The following CDH4 variants were observed in gnomAD, a reference collection of about 807,000 sequenced individuals.
The protein encoded by CDH4 is cadherin 4, also known as cadherin-4.
CDH4 carries 33 observed loss-of-function variants against 86.0 expected under a neutral mutation model. The observed-to-expected ratio is 0.38, with a 90% CI of 0.29 to 0.51. CDH4 has a LOEUF of 0.51. CDH4 is among the 20% of genes least tolerant of loss of function. The pLI, the probability that CDH4 is intolerant of heterozygous loss-of-function variation, is 0.86. For missense variants in CDH4, 1,114 were observed against 1,307.4 expected (o/e 0.85, Z 2.28); for synonymous variants, 555 against 549.4 (o/e 1.01, Z -0.14).
chr20:61,483,379 G>C (rs1023746007), intron 2 of CDH4, among the ~76,000 whole-genome samples: 35 of 152,134 alleles, frequency 2.3e-4, no homozygotes, highest in Admixed American at 3.3e-4. Flanking sequence ...CAAAACCATG[G>C]GAGTCATCAG....
chr20:61,612,988 C>T lies in CDH4; in HGVS notation c.170-130575C>T, dbSNP rs115735674. On this transcript the variant is annotated intron_variant, in intron 2 of 15. Coordinates refer to ENST00000614565, the MANE Select transcript of CDH4 (RefSeq NM_001794.5). ...AAAGCAGAAAACGACCATGAACAGC[C>T]AGCCACACCTCCAGGAGGGCCGATA... 4.1e-3 allele frequency among the ~76,000 whole-genome samples: 631 copies of T among 152,136 alleles called. 14 individuals carry two copies. The highest frequency in any genetic ancestry group is 0.015 in the African/African-American group (608 of 41,430).
At chr20:61,914,160 G>A (rs368182038) in intron 9 of CDH4, among the ~76,000 whole-genome samples, 1 of 152,208 alleles carries the variant, frequency 6.6e-6, no homozygotes, top group East Asian at 1.9e-4. Context: ...AAAGGAAGAT[G>A]AAACCTCAGG....
chr20:61,287,543 G>A lies in CDH4; in HGVS notation c.169+32606G>A, dbSNP rs548666574. Reference sequence around the variant, plus strand: ...GAGCCCTATTCATTTTCTACAGTGGGGTAGCATTCACAAGGGATGCCCCAT... The same window carrying A: ...GAGCCCTATTCATTTTCTACAGTGGAGTAGCATTCACAAGGGATGCCCCAT... On this transcript the variant is annotated intron_variant, in intron 2 of 15. Coordinates refer to ENST00000614565, the MANE Select transcript of CDH4 (RefSeq NM_001794.5). Among the ~76,000 whole-genome samples the A allele has an allele frequency of 1.1e-4, 17 of 152,280 alleles. No homozygotes were observed. The South Asian group carries it at 3.3e-3, about 30-fold the overall frequency.
At chr20:61,314,456 T>C (rs1467764787) in intron 2 of CDH4, among the ~76,000 whole-genome samples, 4 of 152,254 alleles carry the variant, frequency 2.6e-5, no homozygotes, top group South Asian at 2.1e-4. Flanking sequence ...TCCTTTCTTA[T>C]GGTGGATTAC....
intron 2 of CDH4, among the ~76,000 whole-genome samples, chr20:61,542,341 T>C (rs6061631): frequency 0.012 from 1,787 of 152,304 alleles, 29 homozygotes; most frequent in African/African-American, 0.041. Context: ...TTTTCAACTT[T>C]CCTGGGGTTG....
At chr20:61,493,077 ACT>A (rs2085637156) in intron 2 of CDH4, among the ~76,000 whole-genome samples, 1 of 152,038 alleles carries the variant, frequency 6.6e-6, no homozygotes, top group African/African-American at 2.4e-5. Flanking sequence ...CGTAAATTAG[ACT>A]CTAATAAAGT....
intron 2 of CDH4, among the ~76,000 whole-genome samples, chr20:61,603,530 C>G (rs2086619415): frequency 6.6e-6 from 1 of 152,152 alleles, no homozygotes; most frequent in African/African-American, 2.4e-5. Context: ...CCAGGTGTGC[C>G]CTACCAGGTG....
chr20:61,368,848 T>C (rs1192009212), intron 2 of CDH4, among the ~76,000 whole-genome samples: 1 of 152,046 alleles, frequency 6.6e-6, no homozygotes, highest in Admixed American at 6.6e-5. Flanking sequence ...AACCCAAAGG[T>C]ACTAAAACAC....
At chr20:61,577,893 C>G (rs2086395616) in intron 2 of CDH4, among the ~76,000 whole-genome samples, 1 of 152,144 alleles carries the variant, frequency 6.6e-6, no homozygotes. Context: ...TAGCCTGAGG[C>G]AAAGCTGTGC....
At chr20:61,614,480 G>A (rs2086709974) in intron 2 of CDH4, among the ~76,000 whole-genome samples, 1 of 152,062 alleles carries the variant, frequency 6.6e-6, no homozygotes, top group Non-Finnish European at 1.5e-5. Flanking sequence ...GCCTGAGGAG[G>A]GTGTCCTGGG....
chr20:61,526,601 A>C (rs2085912550), intron 2 of CDH4, among the ~76,000 whole-genome samples: 1 of 147,866 alleles, frequency 6.8e-6, no homozygotes, highest in African/African-American at 2.5e-5. Context: ...GCACCCACTA[A>C]CTCGTCATCT....
In CDH4 at chr20:61,523,462, C is replaced by G. The variant is rs181548027; in HGVS notation, c.170-220101C>G. 2.0e-5 allele frequency among the ~76,000 whole-genome samples: 3 copies of G among 152,406 alleles called. No homozygotes were observed. The East Asian group carries it at 5.8e-4, about 29-fold the overall frequency. On this transcript the variant is annotated intron_variant, in intron 2 of 15. Coordinates refer to ENST00000614565, the MANE Select transcript of CDH4 (RefSeq NM_001794.5). ...ACACAGAGAAGGCATTTGCCTCCGT[C>G]ATTCCCCGCCACGTGCTCTTCCAAA...
chr20:61,921,455 CA>C (rs2054982324), intron 9 of CDH4, among the ~76,000 whole-genome samples: 1 of 152,256 alleles, frequency 6.6e-6, no homozygotes, highest in Admixed American at 6.5e-5. Flanking sequence ...GCATCACCCT[CA>C]AAAGCACATT....
intron 2 of CDH4, among the ~76,000 whole-genome samples, chr20:61,534,951 C>T (rs1452924991): frequency 1.3e-5 from 2 of 151,996 alleles, no homozygotes; most frequent in Non-Finnish European, 1.5e-5. Flanking sequence ...GGCAGAGATG[C>T]CTGCTCATCC....
In CDH4 at chr20:61,875,937, A is replaced by AACACAC. The variant is rs34781850; in HGVS notation, c.1050+2052_1050+2057dup. ...GGGCAGCCCCTGTTTGCGCTCCCCC[A>AACACAC]ACACACACACACACACACACCTGTG... On this transcript the variant is annotated intron_variant, in intron 7 of 15. Coordinates refer to ENST00000614565, the MANE Select transcript of CDH4 (RefSeq NM_001794.5). 2.0e-5 allele frequency among the ~76,000 whole-genome samples: 3 copies of AACACAC among 151,264 alleles called. No homozygotes were observed. In the East Asian group the frequency reaches 5.9e-4, roughly 29 times the overall value.
intron 3 of CDH4, among the ~76,000 whole-genome samples, chr20:61,746,879 G>C (rs960861579): frequency 6.6e-6 from 1 of 152,226 alleles, no homozygotes; most frequent in African/African-American, 2.4e-5. Flanking sequence ...GGGAGTGGGG[G>C]TCACTGTGGG....
At chr20:61,800,979 A>G (rs992919289) in intron 4 of CDH4, among the ~76,000 whole-genome samples, 2 of 152,164 alleles carry the variant, frequency 1.3e-5, no homozygotes, top group Non-Finnish European at 2.9e-5. Context: ...GGACCCTCCA[A>G]GCATCTTGGT....
chr20:61,305,137 G>A (rs2084409682), intron 2 of CDH4, among the ~76,000 whole-genome samples: 1 of 152,012 alleles, frequency 6.6e-6, no homozygotes, highest in Non-Finnish European at 1.5e-5. Context: ...TGTGTGGGGA[G>A]TATTTTTCAG....
intron 2 of CDH4, among the ~76,000 whole-genome samples, chr20:61,633,634 G>T (rs958380115): frequency 1.3e-5 from 2 of 152,172 alleles, no homozygotes; most frequent in Non-Finnish European, 2.9e-5. Flanking sequence ...GTGGTAAAAA[G>T]CATGGTTTCT....
Sources: allele counts gnomAD v4.1 joint callset (sites outside exome capture counted in the v4.1 genomes callset), GRCh38; gene constraint gnomAD v4.1.1; transcripts MANE v1.5; gene names NCBI Gene and HGNC (gene_info 2026-07-23, HGNC 2026-07-21).